Variants in PPP6R3 observed in about 807,000 individuals in gnomAD.
The protein encoded by PPP6R3 is protein phosphatase 6 regulatory subunit 3, also known as serine/threonine-protein phosphatase 6 regulatory subunit 3.
A neutral mutation model predicts 110.7 loss-of-function variants in PPP6R3; 38 were observed. The ratio of observed to expected loss-of-function variants is 0.34; its 90% CI spans 0.26 to 0.45. The LOEUF (loss-of-function observed/expected upper bound fraction) is 0.45. Among genes scored for constraint, PPP6R3 ranks in the 20% least tolerant of loss-of-function variants. The pLI is 1.00. For synonymous variants in PPP6R3, 369 were observed against 373.5 expected (o/e 0.99, Z 0.14); for missense variants, 870 against 1,062.4 (o/e 0.82, Z 2.52).
At chr11:68,468,034 A>G (rs2098760910) in intron 1 of PPP6R3, among the ~76,000 whole-genome samples, 1 of 152,176 alleles carries the variant, frequency 6.6e-6, no homozygotes, top group African/African-American at 2.4e-5. Context: ...TTGGCCTCCC[A>G]AAGTGTTGAA....
At chr11:68,511,147 A>G (rs1418717329) in intron 1 of PPP6R3, among the ~76,000 whole-genome samples, 3 of 149,806 alleles carry the variant, frequency 2.0e-5, no homozygotes, top group African/African-American at 5.0e-5. Flanking sequence ...AGCTCACTGC[A>G]ACCTCTGCCT....
intron 1 of PPP6R3, among the ~76,000 whole-genome samples, chr11:68,498,250 T>G (rs1017051707): frequency 3.3e-5 from 5 of 152,164 alleles, no homozygotes; most frequent in Non-Finnish European, 2.9e-5. Flanking sequence ...AAAACTTGTT[T>G]TATTAGGGGT....
At chr11:68,610,640 A>AG (rs776080888) in intron 23 of PPP6R3, among the ~76,000 whole-genome samples, 22 of 152,276 alleles carry the variant, frequency 1.4e-4, no homozygotes, top group Admixed American at 2.6e-4. Flanking sequence ...GGCCAGTCTA[A>AG]GTCTCAGCCA....
chr11:68,587,925 A>G lies in PPP6R3; in HGVS notation c.1633-2A>G. The G allele has an allele frequency of 6.2e-7, 1 of 1,613,776 alleles. No individual in the cohort carries two copies. The highest frequency in any genetic ancestry group is 8.5e-7 in the Non-Finnish European group (1 of 1,179,644). On this transcript the variant is annotated splice_acceptor_variant, in intron 15 of 23. Coordinates refer to ENST00000393800, the MANE Select transcript of PPP6R3 (RefSeq NM_001164161.2). LOFTEE classifies it high-confidence loss of function. ...CACTGTCACTGGTCCTGGGGTTGCC[A>G]GGCCTTTTCTGATTATCAGATGCAA...
intron 14 of PPP6R3, among the ~76,000 whole-genome samples, chr11:68,577,745 C>T (rs2099537466): frequency 6.6e-6 from 1 of 152,196 alleles, no homozygotes; most frequent in South Asian, 2.1e-4. Flanking sequence ...ATAAAACGTT[C>T]AGCCCCTGGT....
At chr11:68,549,186 C>T (rs555176081) in intron 5 of PPP6R3, among the ~76,000 whole-genome samples, 6 of 152,350 alleles carry the variant, frequency 3.9e-5, no homozygotes, top group South Asian at 2.1e-4. Flanking sequence ...CCACTGCTCC[C>T]GGTCCCCCTC....
chr11:68,613,384 T>C lies in PPP6R3; in HGVS notation c.*267T>C. On this transcript the variant is annotated 3_prime_UTR_variant, in exon 24 of 24. Transcript: ENST00000393800. ...AATGGGTAGCCTGTGAAATAAGATC[T>C]TGCCACCCATGTAATAATAGTAGTA... is the stretch of plus-strand genomic sequence containing the variant. 1 of 1,179,100 alleles carries C rather than the reference T, an allele frequency of 8.5e-7. No homozygotes were observed. Among genetic ancestry groups the C allele is most frequent in the Non-Finnish European group, 1.0e-6 (1 of 953,634 alleles). The allele number at this position is 1,179,100 out of a possible 1,614,324, so 73.0% of individuals were successfully genotyped here.
chr11:68,524,390 CTT>C (rs1452674725), intron 2 of PPP6R3, among the ~76,000 whole-genome samples: 2 of 152,266 alleles, frequency 1.3e-5, no homozygotes, highest in African/African-American at 2.4e-5. Flanking sequence ...TTGCCAGACT[CTT>C]TGTTTTCCTT....
At chr11:68,556,535 T>TAAAA (rs11375771) in intron 7 of PPP6R3, among the ~76,000 whole-genome samples, 18 of 107,824 alleles carry the variant, frequency 1.7e-4, no homozygotes, top group Non-Finnish European at 2.5e-4. Flanking sequence ...AATTTCTCAT[T>TAAAA]AAAAAAAAAA....
intron 1 of PPP6R3, among the ~76,000 whole-genome samples, chr11:68,465,829 G>A (rs2098741460): frequency 6.6e-6 from 1 of 152,206 alleles, no homozygotes; most frequent in South Asian, 2.1e-4. Flanking sequence ...TAAACTTTGG[G>A]TGGTTGAGAT....
chr11:68,500,408 T>A (rs2099042310), intron 1 of PPP6R3, among the ~76,000 whole-genome samples: 1 of 152,202 alleles, frequency 6.6e-6, no homozygotes, highest in African/African-American at 2.4e-5. Flanking sequence ...GCCTCTGTTT[T>A]ATGTGCACTG....
intron 15 of PPP6R3, among the ~76,000 whole-genome samples, chr11:68,585,736 CATT>C (rs1318420497): frequency 3.3e-5 from 5 of 152,028 alleles, no homozygotes; most frequent in African/African-American, 1.2e-4. Flanking sequence ...TTTTTCTGTG[CATT>C]ATTGCATGGA....
At chr11:68,540,765 T>C (rs939228780) in intron 3 of PPP6R3, among the ~76,000 whole-genome samples, 1 of 152,216 alleles carries the variant, frequency 6.6e-6, no homozygotes, top group African/African-American at 2.4e-5. Flanking sequence ...AGAAAAAGAA[T>C]TGAGCGATAT....
chr11:68,584,886 T>C (rs1427300132), intron 15 of PPP6R3, among the ~76,000 whole-genome samples: 2 of 152,246 alleles, frequency 1.3e-5, no homozygotes, highest in African/African-American at 4.8e-5. Flanking sequence ...ATGGATCATT[T>C]TGAAAATAAA....
At chr11:68,609,007 C>T (rs1941921185) in intron 22 of PPP6R3, among the ~76,000 whole-genome samples, 2 of 152,198 alleles carry the variant, frequency 1.3e-5, no homozygotes, top group South Asian at 2.1e-4. Context: ...AGAATGCATC[C>T]TAATATGAGA....
At chr11:68,487,242 C>G (rs1372941501) in intron 1 of PPP6R3, among the ~76,000 whole-genome samples, 3 of 152,032 alleles carry the variant, frequency 2.0e-5, no homozygotes, top group Non-Finnish European at 2.9e-5. Flanking sequence ...TGCTGTATCC[C>G]ACAAGTTTTG....
chr11:68,527,391 T>C (rs546009952), intron 2 of PPP6R3, among the ~76,000 whole-genome samples: 2 of 152,292 alleles, frequency 1.3e-5, no homozygotes, highest in Admixed American at 1.3e-4. Flanking sequence ...CCAGTGTCTG[T>C]CTTAGCACCG....
At chr11:68,504,375 T>G (rs898728744) in intron 1 of PPP6R3, among the ~76,000 whole-genome samples, 4 of 150,888 alleles carry the variant, frequency 2.7e-5, no homozygotes, top group Non-Finnish European at 5.9e-5. Context: ...GAGCTTGTCC[T>G]TCTGCCCTGA....
At chr11:68,523,056 A>G (rs567250971) in intron 2 of PPP6R3, among the ~76,000 whole-genome samples, 1 of 152,332 alleles carries the variant, frequency 6.6e-6, no homozygotes, top group South Asian at 2.1e-4. Flanking sequence ...GCTTCTAATT[A>G]TGAAGAGGAG....
Sources: allele counts gnomAD v4.1 joint callset (sites outside exome capture counted in the v4.1 genomes callset), GRCh38; gene constraint gnomAD v4.1.1; transcripts MANE v1.5; gene names NCBI Gene and HGNC (gene_info 2026-07-23, HGNC 2026-07-21).